The following MYO1D variants were observed in gnomAD, a reference collection of about 807,000 sequenced individuals.
The protein encoded by MYO1D is myosin ID.
Under a neutral mutation model 122.0 loss-of-function variants are expected in MYO1D, and 83 were observed. That is an observed-to-expected ratio of 0.68 (90% CI 0.57 to 0.82). The LOEUF is 0.82. Among genes scored for constraint, MYO1D ranks in the 40% least tolerant of loss-of-function variants. The pLI is 0.00. For synonymous variants in MYO1D, 464 were observed against 446.9 expected, an observed-to-expected ratio of 1.04 and a Z score of -0.48; for missense variants, 1,157 against 1,269.5, an observed-to-expected ratio of 0.91 and a Z score of 1.35.
At chr17:32,693,250 C>T (rs1300356825) in intron 16 of MYO1D, among the ~76,000 whole-genome samples, 2 of 152,134 alleles carry the variant, frequency 1.3e-5, no homozygotes, top group Non-Finnish European at 2.9e-5. Context: ...GAATATGTAG[C>T]CATTTTTTTT....
chr17:32,700,722 T>A (rs2089236648), intron 16 of MYO1D, among the ~76,000 whole-genome samples: 1 of 152,018 alleles, frequency 6.6e-6, no homozygotes, highest in Non-Finnish European at 1.5e-5. Context: ...AGCAGGTGGA[T>A]CACTTGAGGT....
chr17:32,605,016 G>A lies in MYO1D; in HGVS notation c.2864+71C>T, dbSNP rs878900665. 49 of 1,394,422 alleles carry A rather than the reference G, an allele frequency of 3.5e-5. No homozygotes were observed. The South Asian group carries it at 7.7e-4, about 22-fold the overall frequency. 86.4% of individuals were successfully genotyped at this position (1,394,422 alleles called of 1,614,324 possible). A position where few individuals can be genotyped will look rare whatever the true frequency, so the allele number is the denominator to read the frequency against. On this transcript the variant is annotated intron_variant, in intron 21 of 21. Transcript: ENST00000318217. Reference sequence around the variant, plus strand: ...ATACATTAAAATTGGCACAAAACAAGCTCAGTGATAATTACGATTAAAGAT... The same window carrying A: ...ATACATTAAAATTGGCACAAAACAAACTCAGTGATAATTACGATTAAAGAT...
chr17:32,684,799 C>T (rs1262300849), intron 16 of MYO1D, among the ~76,000 whole-genome samples: 1 of 152,182 alleles, frequency 6.6e-6, no homozygotes, highest in Non-Finnish European at 1.5e-5. Flanking sequence ...ACTTGAAAAA[C>T]TGCTGCCAAT....
At chr17:32,687,487 G>A (rs139145315) in intron 16 of MYO1D, among the ~76,000 whole-genome samples, 1,565 of 152,202 alleles carry the variant, frequency 0.01, 26 homozygotes, top group African/African-American at 0.035. Context: ...GTGAGCCACC[G>A]TGCCTGGCCT....
Position 32,623,027 on chromosome 17 carries a change from A to T in MYO1D, c.2709+15695T>A, listed in dbSNP as rs555858852. The stretch of plus-strand genomic sequence containing the variant: ...CAATATAAGATATTTTTACAACTCA[A>T]CAAGATTTGTGAAAGGCTATCAGAG... On this transcript the variant is annotated intron_variant, in intron 20 of 21. Coordinates refer to ENST00000318217, the MANE Select transcript of MYO1D (RefSeq NM_015194.3). Among the ~76,000 whole-genome samples the T allele has an allele frequency of 1.3e-4, 20 of 152,346 alleles. No homozygotes were observed. The South Asian group carries it at 4.1e-3, about 32-fold the overall frequency.
At chr17:32,498,696 C>T (rs933429857) in intron 21 of MYO1D, 5 of 152,208 alleles carry the variant, frequency 3.3e-5, no homozygotes, top group Admixed American at 6.5e-5. Flanking sequence ...GCCAATTTCT[C>T]GCTTCGCAGA....
chr17:32,632,548 A>C (rs1260757986), intron 20 of MYO1D: 2 of 149,048 alleles, frequency 1.3e-5, no homozygotes, highest in Admixed American at 6.8e-5. Context: ...GAAAGAAAAC[A>C]TGCAAACTTA....
At chr17:32,793,499 G>A (rs942715621) in intron 1 of MYO1D, among the ~76,000 whole-genome samples, 20 of 152,086 alleles carry the variant, frequency 1.3e-4, no homozygotes, top group African/African-American at 4.8e-4. Flanking sequence ...AAATTGTATT[G>A]CTTGACATTT....
At chr17:32,573,887 T>C (rs1177812301) in intron 21 of MYO1D, among the ~76,000 whole-genome samples, 1 of 152,108 alleles carries the variant, frequency 6.6e-6, no homozygotes, top group East Asian at 1.9e-4. Flanking sequence ...AGTCTCGCTC[T>C]TTCACCCAGG....
At chr17:32,519,608 C>G (rs949374364) in intron 21 of MYO1D, among the ~76,000 whole-genome samples, 7 of 151,788 alleles carry the variant, frequency 4.6e-5, no homozygotes, top group Non-Finnish European at 7.4e-5. Flanking sequence ...TTGCAGCCCC[C>G]CGCAGCCCCG....
At chr17:32,671,492 T>C (rs765462543) in intron 16 of MYO1D, among the ~76,000 whole-genome samples, 31 of 152,366 alleles carry the variant, frequency 2.0e-4, no homozygotes, top group Admixed American at 3.9e-4. Context: ...TCTTGCAACT[T>C]TTCTGTAAAT....
chr17:32,600,959 T>TA (rs1355830163), intron 21 of MYO1D, among the ~76,000 whole-genome samples: 2 of 151,860 alleles, frequency 1.3e-5, no homozygotes, highest in Non-Finnish European at 2.9e-5. Flanking sequence ...TTCCCTTTTT[T>TA]TTTTTTTTTT....
At chr17:32,738,442 C>T in intron 13 of MYO1D, 57 bp from the exon 14 acceptor site, 1 of 1,476,890 alleles carries the variant, frequency 6.8e-7, no homozygotes, top group Non-Finnish European at 9.1e-7. Context: ...TGGATAAAAA[C>T]TGATAAGCAA....
rs548630289 is a variant in MYO1D at position 32,863,597 on chromosome 17, C to T, written c.95+13181G>A. Among the ~76,000 whole-genome samples, 4 of 152,184 alleles carry T rather than the reference C, an allele frequency of 2.6e-5. No individual in the cohort carries two copies. In the East Asian group the frequency reaches 5.8e-4, roughly 22 times the overall value. On this transcript the variant is annotated intron_variant, in intron 1 of 21. Transcript: ENST00000318217. Reference sequence around the variant, plus strand: ...TAATTTAGATCAACTTAGTGTGGAACAAAACATTACAAATATGACAGTAAA... The same window carrying T: ...TAATTTAGATCAACTTAGTGTGGAATAAAACATTACAAATATGACAGTAAA...
chr17:32,493,646 A>G lies in MYO1D; in HGVS notation c.*1113T>C, dbSNP rs1160781491. The G allele has an allele frequency of 6.6e-6, 1 of 152,398 alleles. No homozygotes were observed. Among genetic ancestry groups the G allele is most frequent in the Non-Finnish European group, 1.5e-5 (1 of 68,150 alleles). 9.4% of individuals were successfully genotyped at this position (152,398 alleles called of 1,614,324 possible). A position where few individuals can be genotyped will look rare whatever the true frequency, so the allele number is the denominator to read the frequency against. Reference sequence around the variant, plus strand: ...GGTGGTCTCAGAAGGCCCCTGAAGCATACGTGCTTTTGCTGGGCAGAAACT... The same window carrying G: ...GGTGGTCTCAGAAGGCCCCTGAAGCGTACGTGCTTTTGCTGGGCAGAAACT... On this transcript the variant is annotated 3_prime_UTR_variant, in exon 22 of 22. Coordinates refer to ENST00000318217, the MANE Select transcript of MYO1D (RefSeq NM_015194.3).
intron 1 of MYO1D, among the ~76,000 whole-genome samples, chr17:32,784,429 G>C (rs2090271754): frequency 6.6e-6 from 1 of 151,728 alleles, no homozygotes; most frequent in Non-Finnish European, 1.5e-5. Context: ...TCAGTTTTAT[G>C]GTCTTTGCTC....
At chr17:32,531,117 C>T (rs1910496816) in intron 21 of MYO1D, 1 of 152,396 alleles carries the variant, frequency 6.6e-6, no homozygotes, top group Admixed American at 6.5e-5. Flanking sequence ...CCTGCTCCCT[C>T]TCCTCCATGC....
intron 21 of MYO1D, chr17:32,594,204 T>A: frequency 5.2e-6 from 1 of 192,442 alleles, no homozygotes. Context: ...TCTTTTTGTA[T>A]GTTTTAAATT....
chr17:32,761,277 A>G (rs191712291), intron 8 of MYO1D, among the ~76,000 whole-genome samples: 2 of 152,080 alleles, frequency 1.3e-5, no homozygotes, highest in Non-Finnish European at 2.9e-5. Flanking sequence ...ACCCATATCC[A>G]TTACCTCCCC....
Sources: gnomAD v4.1 joint callset for allele counts (sites outside exome capture counted in the v4.1 genomes callset) on GRCh38, gnomAD v4.1.1 for gene constraint, MANE v1.5 for transcripts, NCBI Gene and HGNC (gene_info 2026-07-23, HGNC 2026-07-21) for gene names.